PDE8A: variants seen among roughly 807,000 people sequenced by gnomAD.
PDE8A encodes the protein high affinity cAMP-specific and IBMX-insensitive 3',5'-cyclic phosphodiesterase 8A.
In PDE8A, 59 loss-of-function variants were observed where a neutral mutation model predicts 105.0. That is an observed-to-expected ratio of 0.56 (90% CI 0.46 to 0.70). The LOEUF is 0.70. PDE8A is among the 30% of genes least tolerant of loss of function. The pLI, the probability that PDE8A is intolerant of heterozygous loss-of-function variation, is 0.00. For synonymous variants in PDE8A, 355 were observed against 371.9 expected (o/e 0.95, Z 0.52); for missense variants, 1,014 against 1,045.9 (o/e 0.97, Z 0.42).
At chr15:84,989,840 T>C (rs772092463) in intron 1 of PDE8A, among the ~76,000 whole-genome samples, 2 of 152,204 alleles carry the variant, frequency 1.3e-5, no homozygotes, top group Non-Finnish European at 2.9e-5. Context: ...CTCCAATATT[T>C]TGTGAAAATT....
chr15:85,132,292 CCTT>C (rs1029738853), intron 20 of PDE8A, among the ~76,000 whole-genome samples: 1 of 152,024 alleles, frequency 6.6e-6, no homozygotes, highest in African/African-American at 2.4e-5. Context: ...TAATCTCTGT[CCTT>C]CTCTTCTCCT....
At chr15:85,124,241 C>G (rs986048350) in intron 19 of PDE8A, among the ~76,000 whole-genome samples, 2 of 152,206 alleles carry the variant, frequency 1.3e-5, no homozygotes, top group Admixed American at 6.5e-5. Context: ...ATTTGCTTAT[C>G]TGTAGAATGG....
chr15:85,045,073 T>G (rs985744945), intron 1 of PDE8A, among the ~76,000 whole-genome samples: 1 of 152,202 alleles, frequency 6.6e-6, no homozygotes, highest in Non-Finnish European at 1.5e-5. Context: ...TAGCTGTTCC[T>G]CTGCCTGGTA....
intron 20 of PDE8A, among the ~76,000 whole-genome samples, chr15:85,131,465 C>T (rs556600970): frequency 2.0e-5 from 3 of 152,322 alleles, no homozygotes; most frequent in East Asian, 3.9e-4. Flanking sequence ...TTGCATAGGA[C>T]AACCTAAAGT....
At chr15:85,135,531 G>A (rs976519680) in intron 20 of PDE8A, among the ~76,000 whole-genome samples, 3 of 152,066 alleles carry the variant, frequency 2.0e-5, no homozygotes, top group Non-Finnish European at 2.9e-5. Flanking sequence ...CTCCATCTGC[G>A]CTCACCCTGT....
chr15:85,014,078 G>A (rs112783216), intron 1 of PDE8A, among the ~76,000 whole-genome samples: 8 of 152,236 alleles, frequency 5.3e-5, no homozygotes, highest in African/African-American at 1.9e-4. Context: ...ATTCAGGGTG[G>A]AGATGATACA....
At chr15:85,090,881 G>T in intron 7 of PDE8A, 163 bp from the exon 8 acceptor site, 1 of 685,120 alleles carries the variant, frequency 1.5e-6, no homozygotes, top group South Asian at 1.5e-5. Context: ...AGAATTCTTC[G>T]TGGGTTATGT....
intron 1 of PDE8A, among the ~76,000 whole-genome samples, chr15:85,016,719 G>A (rs571595211): frequency 7.2e-5 from 11 of 152,254 alleles, no homozygotes; most frequent in African/African-American, 2.4e-4. Flanking sequence ...TATTGAGGTT[G>A]TATTATATTT....
chr15:85,074,097 T>C (rs562384351), intron 3 of PDE8A, among the ~76,000 whole-genome samples: 30 of 152,270 alleles, frequency 2.0e-4, no homozygotes, highest in Admixed American at 1.2e-3. Flanking sequence ...GAAGTGAACA[T>C]GAGAGAGACT....
chr15:85,115,935 A>AAAAT, intron 15 of PDE8A, 49 bp from the exon 16 acceptor site: 2 of 1,521,298 alleles, frequency 1.3e-6, no homozygotes, highest in Non-Finnish European at 1.8e-6. Context: ...AAAAAAAAAA[A>AAAAT]GTTAATCCTT....
chr15:85,060,029 T>A (rs1343399450), intron 1 of PDE8A, among the ~76,000 whole-genome samples: 3 of 152,218 alleles, frequency 2.0e-5, no homozygotes, highest in Non-Finnish European at 4.4e-5. Flanking sequence ...AAATAATTAC[T>A]GATAAAGGTG....
chr15:85,043,920 AACTCCTGACCTTGTGATCCACCC>A (rs2080850193), intron 1 of PDE8A, among the ~76,000 whole-genome samples: 1 of 152,160 alleles, frequency 6.6e-6, no homozygotes, highest in South Asian at 2.1e-4. Context: ...GCTGGTCTCG[AACTCCTGACCTTGTGATCCACCC>A]ACCTTGGCCT....
intron 1 of PDE8A, among the ~76,000 whole-genome samples, chr15:85,016,764 ATGT>A (rs2080331348): frequency 6.6e-6 from 1 of 152,130 alleles, no homozygotes. Flanking sequence ...CATCATTGTG[ATGT>A]TGTATCTTCT....
intron 18 of PDE8A, among the ~76,000 whole-genome samples, chr15:85,121,618 C>T (rs898685552): frequency 2.0e-5 from 3 of 149,934 alleles, no homozygotes; most frequent in Non-Finnish European, 4.4e-5. Flanking sequence ...CATACTAGAG[C>T]GAGACCCTGT....
intron 1 of PDE8A, among the ~76,000 whole-genome samples, chr15:85,058,163 C>T (rs1298681372): frequency 6.6e-6 from 1 of 152,158 alleles, no homozygotes; most frequent in Non-Finnish European, 1.5e-5. Flanking sequence ...TCACTGCAGC[C>T]TCGACTTCCT....
intron 2 of PDE8A, among the ~76,000 whole-genome samples, chr15:85,065,332 T>TG (rs2081205501): frequency 1.8e-5 from 1 of 56,390 alleles, no homozygotes; most frequent in African/African-American, 7.7e-5. Flanking sequence ...GGGACTGTGG[T>TG]GGGGAGGGGG....
chr15:85,071,038 C>T (rs1567265048), intron 3 of PDE8A, among the ~76,000 whole-genome samples: 1 of 152,072 alleles, frequency 6.6e-6, no homozygotes, highest in Non-Finnish European at 1.5e-5. Context: ...TTGACCATAG[C>T]AATAATAAAT....
intron 9 of PDE8A, among the ~76,000 whole-genome samples, chr15:85,098,983 AGAAAGGTTAT>A (rs2081809426): frequency 6.6e-6 from 1 of 152,154 alleles, no homozygotes; most frequent in African/African-American, 2.4e-5. Context: ...ATAAAATATG[AGAAAGGTTAT>A]GATACAATGT....
At position 85,079,769 on chromosome 15, in the gene PDE8A, C is replaced by T. The variant is rs145628978; in HGVS notation, c.546+2982C>T. Among the ~76,000 whole-genome samples the T allele has an allele frequency of 1.5e-3, 224 of 152,198 alleles. 1 individual carries two copies. The highest frequency in any genetic ancestry group is 4.9e-3 in the African/African-American group (205 of 41,526). The stretch of plus-strand genomic sequence containing the variant: ...CTCTACTAAAAATCCAAAAATTACC[C>T]GGGCATGGTGGCGCACACCTGTAAT... On this transcript the variant is annotated intron_variant, in intron 5 of 21. Transcript: ENST00000394553.
Sources: allele counts gnomAD v4.1 joint callset (sites outside exome capture counted in the v4.1 genomes callset), GRCh38; gene constraint gnomAD v4.1.1; transcripts MANE v1.5; gene names NCBI Gene and HGNC (gene_info 2026-07-23, HGNC 2026-07-21).